Variants in TNIP3 observed in about 807,000 individuals in gnomAD.
TNIP3 encodes the protein TNFAIP3 interacting protein 3.
A neutral mutation model predicts 54.1 loss-of-function variants in TNIP3; 34 were observed. The observed-to-expected ratio is 0.63, with a 90% confidence interval of 0.48 to 0.84. TNIP3 has a LOEUF of 0.84. Ranked by LOEUF, TNIP3 falls within the 40% of genes least tolerant of loss-of-function variation. The probability of loss-of-function intolerance (pLI) is 0.00; values close to 1 mark genes in which losing one functional copy is unlikely to be tolerated. For missense variants in TNIP3, 366 were observed against 387.6 expected (o/e 0.94, Z 0.47); for synonymous variants, 134 against 136.8 (o/e 0.98, Z 0.14).
chr4:121,176,956 C>T (rs1195968915), intron 3 of TNIP3, among the ~76,000 whole-genome samples: 1 of 152,146 alleles, frequency 6.6e-6, no homozygotes, highest in African/African-American at 2.4e-5. Flanking sequence ...AGTTCTGCCT[C>T]TAAGTTAAAA....
intron 5 of TNIP3, among the ~76,000 whole-genome samples, chr4:121,151,654 G>A (rs1317451000): frequency 1.3e-5 from 2 of 152,048 alleles, no homozygotes; most frequent in Middle Eastern, 3.2e-3. Context: ...GGGCCAAATG[G>A]ATTATGGCAA....
At chr4:121,223,095 G>A (rs6842037) in intron 1 of TNIP3, among the ~76,000 whole-genome samples, 69,664 of 152,042 alleles carry the variant, frequency 0.46, 17,200 homozygotes, top group South Asian at 0.75. Flanking sequence ...GCAAGCCACC[G>A]CGCCCAGCCA....
At chr4:121,162,285 T>G (rs535495501) in intron 1 of TNIP3, among the ~76,000 whole-genome samples, 1 of 152,230 alleles carries the variant, frequency 6.6e-6, no homozygotes, top group Non-Finnish European at 1.5e-5. Flanking sequence ...ATTTTAGGGT[T>G]TGATGGTATT....
intron 10 of TNIP3, chr4:121,138,046 TA>T: frequency 2.2e-6 from 1 of 446,940 alleles, no homozygotes; most frequent in Non-Finnish European, 4.5e-6. Flanking sequence ...GTTAAATCAA[TA>T]AAAAATAAGA....
chr4:121,219,058 G>A (rs1332408014), upstream of TNIP3, among the ~76,000 whole-genome samples: 4 of 152,014 alleles, frequency 2.6e-5, no homozygotes, highest in Non-Finnish European at 5.9e-5. Context: ...AAATTAGCTG[G>A]GTGTGGTGGT....
chr4:121,142,802 TAATC>T, intron 7 of TNIP3, 26 bp from the exon 8 acceptor site: 3 of 1,597,574 alleles, frequency 1.9e-6, no homozygotes, highest in Non-Finnish European at 2.6e-6. Context: ...AGGCATTTGT[TAATC>T]AAGACAAGTT....
At chr4:121,161,277 C>G (rs1730436902) in intron 1 of TNIP3, 61 bp from the exon 2 acceptor site, 1 of 1,429,266 alleles carries the variant, frequency 7.0e-7, no homozygotes, top group Admixed American at 2.4e-5. Flanking sequence ...AACAGAAGTA[C>G]TGTTCCTCAG....
intron 9 of TNIP3, among the ~76,000 whole-genome samples, chr4:121,141,284 T>G (rs1437196962): frequency 6.6e-6 from 1 of 152,210 alleles, no homozygotes; most frequent in Non-Finnish European, 1.5e-5. Flanking sequence ...AAATAATTGC[T>G]CAACTCTGCA....
At chr4:121,217,305 A>G (rs138329131), upstream of TNIP3, among the ~76,000 whole-genome samples, 485 of 152,308 alleles carry the variant, frequency 3.2e-3, 4 homozygotes, top group African/African-American at 0.011. Context: ...AGTTAGGCCC[A>G]TGGGAAACAC....
Position 121,172,052 on chromosome 4 carries a change from G to A in TNIP3, c.190-7906C>T, listed in dbSNP as rs146249447. Reference sequence around the variant, plus strand: ...CTGGCCCCTATTCCCCTACTTCTAGGTACTCATCTGTCATCTTCCAAATTG... The same window carrying A: ...CTGGCCCCTATTCCCCTACTTCTAGATACTCATCTGTCATCTTCCAAATTG... On this transcript the variant is annotated intron_variant, in intron 3 of 12. Coordinates refer to the TNIP3 transcript ENST00000507879. 3.2e-3 allele frequency among the ~76,000 whole-genome samples: 494 copies of A among 152,164 alleles called. 3 individuals are homozygous for A. Among genetic ancestry groups the A allele is most frequent in the African/African-American group, 0.011 (470 of 41,524 alleles).
intron 6 of TNIP3, among the ~76,000 whole-genome samples, chr4:121,149,278 T>C (rs1411542884): frequency 2.0e-5 from 3 of 152,184 alleles, no homozygotes; most frequent in Non-Finnish European, 4.4e-5. Flanking sequence ...TGTGCATCAG[T>C]GAATTGCTAA....
intron 3 of TNIP3, among the ~76,000 whole-genome samples, chr4:121,157,535 A>G (rs574410010): frequency 6.6e-6 from 1 of 152,282 alleles, no homozygotes; most frequent in East Asian, 1.9e-4. Flanking sequence ...ACCCAGGGGA[A>G]TCTGTAGGTT....
intron 2 of TNIP3, among the ~76,000 whole-genome samples, chr4:121,204,174 C>T (rs984222715): frequency 6.6e-6 from 1 of 152,166 alleles, no homozygotes; most frequent in Non-Finnish European, 1.5e-5. Context: ...CCCAAAATCT[C>T]GAAGCTAAAG....
chr4:121,158,140 TA>T lies in TNIP3; in HGVS notation c.213+546del, dbSNP rs1363277369. 5.3e-5 allele frequency among the ~76,000 whole-genome samples: 8 copies of T among 152,240 alleles called. No individual in the cohort carries two copies. In the East Asian group the frequency reaches 1.5e-3, roughly 29 times the overall value. On this transcript the variant is annotated intron_variant, in intron 3 of 10. Transcript: ENST00000057513. Reference sequence around the variant, plus strand: ...AAATTATAAATTGTCTTTTATGTATTAAAGGAGGTTTTCTTCCAAAAGCCCC... The same window carrying T: ...AAATTATAAATTGTCTTTTATGTATTAAGGAGGTTTTCTTCCAAAAGCCCC...
At chr4:121,219,176 G>A (rs1039735440), upstream of TNIP3, among the ~76,000 whole-genome samples, 17 of 151,650 alleles carry the variant, frequency 1.1e-4, no homozygotes, top group Non-Finnish European at 2.1e-4. Flanking sequence ...CTCCAGCCTG[G>A]GCAACAAGAA....
At chr4:121,162,846 A>C (rs1730535229) in intron 1 of TNIP3, among the ~76,000 whole-genome samples, 1 of 152,206 alleles carries the variant, frequency 6.6e-6, no homozygotes, top group African/African-American at 2.4e-5. Context: ...CTAGGGAATA[A>C]ATTATGGGTC....
At chr4:121,140,848 C>T (rs1729076054) in intron 9 of TNIP3, among the ~76,000 whole-genome samples, 1 of 152,162 alleles carries the variant, frequency 6.6e-6, no homozygotes, top group South Asian at 2.1e-4. Context: ...TAGCGGTGTG[C>T]TGTGTCATAC....
chr4:121,180,559 G>A (rs952662721), intron 3 of TNIP3, among the ~76,000 whole-genome samples: 2 of 152,208 alleles, frequency 1.3e-5, no homozygotes, highest in Non-Finnish European at 2.9e-5. Flanking sequence ...ATAGCAGAGG[G>A]AAAGTTTTGG....
chr4:121,168,779 C>CA (rs111959444), upstream of TNIP3, among the ~76,000 whole-genome samples: 52,979 of 151,520 alleles, frequency 0.35, 11,187 homozygotes, highest in African/African-American at 0.6. Flanking sequence ...CACAGCTTCT[C>CA]AAAAAAAATG....
Sources: allele counts gnomAD v4.1 joint callset (sites outside exome capture counted in the v4.1 genomes callset), GRCh38; gene constraint gnomAD v4.1.1; transcripts MANE v1.5; gene names NCBI Gene and HGNC (gene_info 2026-07-23, HGNC 2026-07-21).